TPPP2: variants seen among roughly 807,000 people sequenced by gnomAD.
TPPP2 encodes tubulin polymerization promoting protein family member 2.
A neutral mutation model predicts 13.0 loss-of-function variants in TPPP2; 8 were observed. The ratio of observed to expected loss-of-function variants is 0.62; its 90% CI spans 0.36 to 1.11. The LOEUF is 1.11. Ranked by LOEUF, TPPP2 falls within the 50% of genes most tolerant of loss-of-function variation. The pLI is 0.02. For synonymous variants in TPPP2, 81 were observed against 81.8 expected (o/e 0.99, Z 0.05); for missense variants, 213 against 216.9 (o/e 0.98, Z 0.11).
At chr14:21,035,034 GCTT>G (rs1884526557), downstream of TPPP2, among the ~76,000 whole-genome samples, 3 of 152,228 alleles carry the variant, frequency 2.0e-5, no homozygotes, top group Admixed American at 1.3e-4. Flanking sequence ...GGAACAAAGT[GCTT>G]CTTATTCCTG....
At chr14:21,033,247 A>G, downstream of TPPP2, 1 of 316,670 alleles carries the variant, frequency 3.2e-6, no homozygotes, top group Non-Finnish European at 6.1e-6. Context: ...TGAAGGGAGA[A>G]ACCATGATTT....
At chr14:21,031,399 T>C in intron 3 of TPPP2, 1 of 528,130 alleles carries the variant, frequency 1.9e-6, no homozygotes, top group Non-Finnish European at 3.2e-6. Flanking sequence ...GTGTCTAGTA[T>C]CTGAGCCAGG....
At chr14:21,031,767 C>A in intron 3 of TPPP2, 125 bp from the exon 4 acceptor site, 1 of 1,073,118 alleles carries the variant, frequency 9.3e-7, no homozygotes, top group Non-Finnish European at 1.3e-6. Flanking sequence ...AAGAAAGCAG[C>A]ACCCCATGCC....
At chr14:21,033,034 G>A (rs891898639), downstream of TPPP2, 7 of 453,498 alleles carry the variant, frequency 1.5e-5, no homozygotes, top group Non-Finnish European at 2.2e-5. Context: ...GGGGATTTGG[G>A]AGGAGCTTCT....
At chr14:21,031,221 G>A (rs898614440) in intron 3 of TPPP2, 56 bp downstream of exon 3, 1 of 1,587,790 alleles carries the variant, frequency 6.3e-7, no homozygotes, top group Admixed American at 1.7e-5. Context: ...CATTGTTCCA[G>A]TCTACCCTCC....
At chr14:21,035,429 T>A (rs1312620667), downstream of TPPP2, among the ~76,000 whole-genome samples, 1 of 152,226 alleles carries the variant, frequency 6.6e-6, no homozygotes, top group African/African-American at 2.4e-5. Flanking sequence ...ATCTTTTTCA[T>A]CAACATCTTC....
At chr14:21,031,225 A>C (rs1594476108) in intron 3 of TPPP2, 60 bp downstream of exon 3, 1 of 1,562,286 alleles carries the variant, frequency 6.4e-7, no homozygotes, top group Non-Finnish European at 8.7e-7. Context: ...GTTCCAGTCT[A>C]CCCTCCCTAA....
In TPPP2 at chr14:21,032,073, A is replaced by G; in HGVS notation, c.509A>G (p.Lys170Arg). 6.2e-7 allele frequency: 1 copy of G among 1,611,208 alleles called. No individual in the cohort carries two copies. Among genetic ancestry groups the G allele is most frequent in the Non-Finnish European group, 8.5e-7 (1 of 1,177,518 alleles). The change falls in exon 4 of 4, where the codon AAG (lysine) becomes AGG (arginine). Residue 170 changes from lysine (K) to arginine (R), a missense_variant. By Grantham distance (26) the Lys-to-Arg change is conservative. Transcript: ENST00000321760. ...KGSGTYDKKT[K>R] is the part of the protein sequence containing the mutation. The stretch of plus-strand genomic sequence containing the variant: ...TCTGGCACCTACGATAAGAAGACCA[A>G]GTAGAGAGGAGCTTCATCTCAGCCT...
downstream of TPPP2, chr14:21,034,606 G>A (rs950432019): frequency 3.4e-6 from 1 of 294,636 alleles, no homozygotes; most frequent in Non-Finnish European, 6.3e-6. Flanking sequence ...TTGGGCCCCT[G>A]GCACTCCTGC....
At chr14:21,033,966 G>A (rs772690030), downstream of TPPP2, 3 of 1,614,032 alleles carry the variant, frequency 1.9e-6, no homozygotes, top group East Asian at 4.5e-5. Flanking sequence ...GACCGTGATG[G>A]GGAGGGAATC....
rs1226580168 is a variant in TPPP2, at chr14:21,032,084, G to C, written c.*7G>C. 1.2e-6 allele frequency: 2 copies of C among 1,609,210 alleles called. No homozygotes were observed. The highest frequency in any genetic ancestry group is 1.7e-5 in the Admixed American group (1 of 59,928). Reference sequence around the variant, plus strand: ...CGATAAGAAGACCAAGTAGAGAGGAGCTTCATCTCAGCCTGCTAGCCCCCT... The same window carrying C: ...CGATAAGAAGACCAAGTAGAGAGGACCTTCATCTCAGCCTGCTAGCCCCCT... On this transcript the variant is annotated 3_prime_UTR_variant, in exon 4 of 4. Coordinates refer to ENST00000321760, the MANE Select transcript of TPPP2 (RefSeq NM_173846.5).
chr14:21,034,492 C>T (rs1884484653), downstream of TPPP2, among the ~76,000 whole-genome samples: 1 of 152,180 alleles, frequency 6.6e-6, no homozygotes, highest in African/African-American at 2.4e-5. Context: ...AGCCCTGCTC[C>T]CCTGGTCCAC....
chr14:21,026,665 A>T (rs1379192558), upstream of TPPP2, among the ~76,000 whole-genome samples: 18 of 151,916 alleles, frequency 1.2e-4, no homozygotes, highest in Admixed American at 1.0e-3. Context: ...CCCAGCCTTC[A>T]ACAACCCCAA....
At chr14:21,034,093 A>G, downstream of TPPP2, 1 of 1,614,168 alleles carries the variant, frequency 6.2e-7, no homozygotes, top group Middle Eastern at 1.6e-4. Flanking sequence ...GGGCAATCTG[A>G]ATTTTGCATC....
At chr14:21,034,439 G>T (rs117238774), downstream of TPPP2, 212 of 647,462 alleles carry the variant, frequency 3.3e-4, no homozygotes, top group Non-Finnish European at 5.1e-4. Context: ...AGAAAGAGGA[G>T]ATGCTTGCCC....
downstream of TPPP2, chr14:21,035,665 G>T (rs763890748): frequency 2.4e-6 from 1 of 421,390 alleles, no homozygotes; most frequent in Admixed American, 2.5e-5. Context: ...GAGTAAGGCC[G>T]CAGAGAGAAA....
Position 21,025,073 on chromosome 14 carries a change from G to C in TPPP2, n.236+729G>C, listed in dbSNP as rs1226646891. On this transcript the variant is annotated intron_variant and non_coding_transcript_variant, in intron 1 of 1. Coordinates refer to the TPPP2 transcript ENST00000533755. This position sits in a 1 kb window ranked among gnomAD's most constrained non-coding sequence, Gnocchi z 5.1. ...TTCCACCTTCACTTGCCTTTGACTC[G>C]GGCCCGCCCCGGCTCGGGCTTCCCG... 5 of 985,592 alleles carry C rather than the reference G, an allele frequency of 5.1e-6. No homozygotes were observed. Among genetic ancestry groups the C allele is most frequent in the East Asian group, 1.1e-4 (1 of 8,772 alleles). 61.1% of individuals were successfully genotyped at this position (985,592 alleles called of 1,614,324 possible).
rs1884245661 is a variant in TPPP2, at chr14:21,032,147, A to G, written c.*70A>G. On this transcript the variant is annotated 3_prime_UTR_variant, in exon 4 of 4. Transcript: ENST00000321760. ...TTAACACCAGGGAGCTTGGAAAACA[A>G]TAAACATCTGTGTGTGCAGCAGCCA... The G allele has an allele frequency of 2.0e-6, 3 of 1,506,622 alleles. No individual in the cohort carries two copies. Among genetic ancestry groups the G allele is most frequent in the South Asian group, 1.2e-5 (1 of 86,736 alleles). 93.3% of individuals were successfully genotyped at this position (1,506,622 alleles called of 1,614,324 possible). A position where few individuals can be genotyped will look rare whatever the true frequency, so the allele number is the denominator to read the frequency against.
intron 2 of TPPP2, 27 bp downstream of exon 2, chr14:21,030,781 G>A (rs766406428): frequency 3.7e-6 from 6 of 1,609,886 alleles, no homozygotes; most frequent in African/African-American, 2.7e-5. Context: ...ATGGAGGTGG[G>A]GGTGAGAAGA....
Sources: gnomAD v4.1 joint callset for allele counts (sites outside exome capture counted in the v4.1 genomes callset) on GRCh38, gnomAD v4.1.1 for gene constraint, Gnocchi (gnomAD v3.1) non-coding constraint, MANE v1.5 for transcripts, NCBI Gene and HGNC (gene_info 2026-07-23, HGNC 2026-07-21) for gene names.